Variants in DACT3 observed in about 807,000 individuals in gnomAD.
DACT3 encodes dishevelled binding antagonist of beta catenin 3.
DACT3 carries 5 observed loss-of-function variants against 19.6 expected under a neutral mutation model. The ratio of observed to expected loss-of-function variants is 0.26; its 90% CI spans 0.13 to 0.54. The LOEUF is 0.54. Among genes scored for constraint, DACT3 ranks in the 20% least tolerant of loss-of-function variants. DACT3 has a pLI of 0.95. For missense variants in DACT3, 908 were observed against 927.4 expected (o/e 0.98, Z 0.27); for synonymous variants, 454 against 428.1 (o/e 1.06, Z -0.75).
At chr19:46,652,374 G>T (rs946369812) in intron 3 of DACT3, 1 of 444,312 alleles carries the variant, frequency 2.3e-6, no homozygotes, top group Non-Finnish European at 4.0e-6. Context: ...TTGTATAGAC[G>T]GGGTTTCACT....
At chr19:46,654,983 A>G in intron 1 of DACT3, 1 of 985,376 alleles carries the variant, frequency 1.0e-6, no homozygotes, top group Non-Finnish European at 1.2e-6. Flanking sequence ...GTCATCTTTG[A>G]GCGGAACTCA....
rs2052954002 is a variant in DACT3, at chr19:46,649,300, G to C, written c.1072C>G (p.Gln358Glu). The change falls in exon 4 of 4, where the codon CAG becomes GAG. Residue 358 changes from glutamine (Q) to glutamate (E), a missense_variant. Around this residue, in one of 2 missense-constraint regions of DACT3, gnomAD observed 656 missense variants for 601.8 expected, o/e 1.09. Coordinates refer to ENST00000391916, the MANE Select transcript of DACT3 (RefSeq NM_145056.3). ...SPAEGRLVKAQYIPGAQAATR... is the reference protein window; with the variant it reads ...SPAEGRLVKAEYIPGAQAATR... ...GCCGCCTGCGCGCCCGGGATGTACT[G>C]CGCCTTCACCAAGCGGCCCTCAGCC... The C allele has an allele frequency of 6.5e-6, 8 of 1,235,140 alleles. No individual in the cohort carries two copies. The highest frequency in any genetic ancestry group is 8.1e-6 in the Non-Finnish European group (8 of 987,250). The allele number at this position is 1,235,140 out of a possible 1,614,324, so 76.5% of individuals were successfully genotyped here. A position where few individuals can be genotyped will look rare whatever the true frequency, so the allele number is the denominator to read the frequency against.
chr19:46,659,286 A>AGAGGGCT lies in DACT3; in HGVS notation c.249+1523_249+1529dup, dbSNP rs1220455519. ...CACTATCAGCTCGTGCCGGGAGGAC[A>AGAGGGCT]GAGGGCTGAGGGGGAGGAGGGGACA... On this transcript the variant is annotated intron_variant, in intron 1 of 3. Coordinates refer to ENST00000391916, the MANE Select transcript of DACT3 (RefSeq NM_145056.3). 3 of 982,682 alleles carry AGAGGGCT rather than the reference A, an allele frequency of 3.1e-6. No individual in the cohort carries two copies. The African/African-American group carries it at 5.3e-5, about 17-fold the overall frequency. 60.9% of individuals were successfully genotyped at this position (982,682 alleles called of 1,614,324 possible). A position where few individuals can be genotyped will look rare whatever the true frequency, so the allele number is the denominator to read the frequency against.
In DACT3 at chr19:46,649,909, G is replaced by T. The variant is rs1208870466; in HGVS notation, c.500-37C>A. ...AGGCCAAAAAAAAAAAAAAAAGAGAGAGTGGAGGGGCTCTCAAAGTCCTTT... is the reference window on the plus strand; with the variant it reads ...AGGCCAAAAAAAAAAAAAAAAGAGATAGTGGAGGGGCTCTCAAAGTCCTTT... On this transcript the variant is annotated intron_variant, in intron 3 of 3. Coordinates refer to ENST00000391916, the MANE Select transcript of DACT3 (RefSeq NM_145056.3). 4 of 1,329,718 alleles carry T rather than the reference G, an allele frequency of 3.0e-6. No individual in the cohort carries two copies. In the African/African-American group the frequency reaches 4.7e-5, roughly 16 times the overall value. The allele number at this position is 1,329,718 out of a possible 1,614,324, so 82.4% of individuals were successfully genotyped here. A position where few individuals can be genotyped will look rare whatever the true frequency, so the allele number is the denominator to read the frequency against.
intron 1 of DACT3, chr19:46,659,593 A>T: frequency 3.9e-6 from 1 of 258,520 alleles, no homozygotes; most frequent in Non-Finnish European, 6.0e-6. Flanking sequence ...GGGGGGTCCC[A>T]CTCCTGAGAG....
At position 46,647,642 on chromosome 19, in the gene DACT3, G is replaced by A. The variant is rs1024837493; in HGVS notation, c.*840C>T. ...TACACTGTGCATTTATTTACAAAGAGGTTAGAGAAACACACAGAATCTGGC... is the reference window on the plus strand; with the variant it reads ...TACACTGTGCATTTATTTACAAAGAAGTTAGAGAAACACACAGAATCTGGC... On this transcript the variant is annotated 3_prime_UTR_variant, in exon 4 of 4. Coordinates refer to ENST00000391916, the MANE Select transcript of DACT3 (RefSeq NM_145056.3). 2.0e-5 allele frequency: 3 copies of A among 152,522 alleles called. No individual in the cohort carries two copies. Among genetic ancestry groups the A allele is most frequent in the African/African-American group, 4.8e-5 (2 of 41,392 alleles). 9.4% of individuals were successfully genotyped at this position (152,522 alleles called of 1,614,324 possible). A position where few individuals can be genotyped will look rare whatever the true frequency, so the allele number is the denominator to read the frequency against.
Position 46,648,964 on chromosome 19 carries a change from C to A in DACT3, c.1408G>T (p.Ala470Ser), listed in dbSNP as rs1167673360. The stretch of plus-strand genomic sequence containing the variant: ...GAGCGCCAGCGACGGCAGGACCCTG[C>A]GGCCTGGGCCGCCAGCGTGGGCGCT... ...GPAPTLAAQA[A>S]GSCRRWRSTA... Residue 470 changes from alanine to serine, a missense_variant, in exon 4 of 4, where the codon GCA (alanine) becomes TCA (serine). Ala to Ser is a moderately conservative substitution (Grantham distance 99). This residue lies in a region of DACT3 where 656 missense variants were observed against 601.8 expected (regional missense o/e 1.09). Coordinates refer to ENST00000391916, the MANE Select transcript of DACT3 (RefSeq NM_145056.3). This position sits in a 1 kb window ranked among gnomAD's most constrained non-coding sequence, Gnocchi z 5.1. 8.5e-6 allele frequency: 11 copies of A among 1,296,092 alleles called. No individual in the cohort carries two copies. The highest frequency in any genetic ancestry group is 9.8e-6 in the Non-Finnish European group (10 of 1,025,216). The allele number at this position is 1,296,092 out of a possible 1,614,324, so 80.3% of individuals were successfully genotyped here.
chr19:46,659,363 T>C (rs1248311226), intron 1 of DACT3: 6 of 954,416 alleles, frequency 6.3e-6, no homozygotes, highest in Non-Finnish European at 7.5e-6. Flanking sequence ...AGGTGAAGGG[T>C]GAAAAGGGGA....
intron 1 of DACT3, among the ~76,000 whole-genome samples, chr19:46,657,744 T>C (rs1401683927): frequency 6.6e-6 from 1 of 151,994 alleles, no homozygotes; most frequent in African/African-American, 2.4e-5. Flanking sequence ...AATGTTTCCA[T>C]TGTTTAATTA....
chr19:46,654,863 C>T, intron 1 of DACT3: 1 of 985,216 alleles, frequency 1.0e-6, no homozygotes, highest in Non-Finnish European at 1.2e-6. Flanking sequence ...CCAGCCTCTC[C>T]CATCCCCCTA....
chr19:46,651,765 T>C (rs929741403), intron 3 of DACT3: 4 of 151,828 alleles, frequency 2.6e-5, no homozygotes, highest in African/African-American at 9.7e-5. Flanking sequence ...AGTGACACCA[T>C]CTCAGCTCAC....
intron 2 of DACT3, 76 bp from the exon 3 acceptor site, chr19:46,652,888 G>A: frequency 6.5e-7 from 1 of 1,540,382 alleles, no homozygotes; most frequent in Non-Finnish European, 8.8e-7. Flanking sequence ...GGAGGAGATG[G>A]CGTGGGGAGA....
chr19:46,649,757 C>T lies in DACT3; in HGVS notation c.615G>A (p.Ser205=). The T allele has an allele frequency of 7.7e-7, 1 of 1,293,246 alleles. No homozygotes were observed. Among genetic ancestry groups the T allele is most frequent in the South Asian group, 2.2e-5 (1 of 45,082 alleles). The allele number at this position is 1,293,246 out of a possible 1,614,324, so 80.1% of individuals were successfully genotyped here. The change falls in exon 4 of 4, where the codon TCG becomes TCA. Residue 205 remains serine (S), a synonymous_variant. Transcript: ENST00000391916. ...GGSAGPEACS[S]AERRARAGPF... is the part of the protein sequence containing the mutation. ...GCCCGGCGCGGGCCCGCCGCTCCGCCGAGGAGCAGGCCTCCGGGCCGGCGG... is the reference window on the plus strand; with the variant it reads ...GCCCGGCGCGGGCCCGCCGCTCCGCTGAGGAGCAGGCCTCCGGGCCGGCGG...
Position 46,648,862 on chromosome 19 carries a change from G to C in DACT3, c.1510C>G (p.Pro504Ala). Residue 504 changes from proline (P) to alanine (A), a missense_variant, in exon 4 of 4, where the codon CCG becomes GCG. By Grantham distance (27) the Pro-to-Ala change is conservative (BLOSUM62 -1). This residue lies in a region of DACT3 where 656 missense variants were observed against 601.8 expected (regional missense o/e 1.09). Coordinates refer to ENST00000391916, the MANE Select transcript of DACT3 (RefSeq NM_145056.3). This position sits in a 1 kb window ranked among gnomAD's most constrained non-coding sequence, Gnocchi z 5.1. ...APAARVPGPG[P>A]SPSAPQRRLL... ...CGACGCTGGGGAGCTGACGGGGACG[G>C]GCCGGGGCCGGGAACACGCGCCGCA... is the stretch of plus-strand genomic sequence containing the variant. 1 of 1,427,202 alleles carries C rather than the reference G, an allele frequency of 7.0e-7. No individual in the cohort carries two copies. The highest frequency in any genetic ancestry group is 9.1e-7 in the Non-Finnish European group (1 of 1,101,952). The allele number at this position is 1,427,202 out of a possible 1,614,324, so 88.4% of individuals were successfully genotyped here. A position where few individuals can be genotyped will look rare whatever the true frequency, so the allele number is the denominator to read the frequency against.
At position 46,660,789 on chromosome 19, in the gene DACT3, G is replaced by A; in HGVS notation, c.249+27C>T. 6.8e-7 allele frequency: 1 copy of A among 1,463,944 alleles called. No homozygotes were observed. The highest frequency in any genetic ancestry group is 1.4e-5 in the South Asian group (1 of 73,694). 90.7% of individuals were successfully genotyped at this position (1,463,944 alleles called of 1,614,324 possible). ...ACAGACAGACACAGACGGGGGTGGAGGGACGGACGGACAGGCAGCCCCTTA... is the reference window on the plus strand; with the variant it reads ...ACAGACAGACACAGACGGGGGTGGAAGGACGGACGGACAGGCAGCCCCTTA... On this transcript the variant is annotated intron_variant, in intron 1 of 3. Transcript: ENST00000391916. This position sits in a 1 kb window ranked among gnomAD's most constrained non-coding sequence, Gnocchi z 4.9.
At chr19:46,659,319 C>G (rs1380028773) in intron 1 of DACT3, 1 of 954,722 alleles carries the variant, frequency 1.0e-6, no homozygotes, top group Non-Finnish European at 1.2e-6. Flanking sequence ...ACAGAGGGAC[C>G]GAGGAGAGGG....
rs374888070 is a variant in DACT3 at position 46,653,089 on chromosome 19, G to A, written c.250-14C>T. ...AGGCAGGGCCTCCTGAAGGCATAGG[G>A]AGAGAAGGATGGTCAGAAGGCCCCC... On this transcript the variant is annotated splice_polypyrimidine_tract_variant and intron_variant, in intron 1 of 3. Coordinates refer to ENST00000391916, the MANE Select transcript of DACT3 (RefSeq NM_145056.3). 13 of 1,550,692 alleles carry A rather than the reference G, an allele frequency of 8.4e-6. No individual in the cohort carries two copies. The highest frequency in any genetic ancestry group is 5.5e-5 in the African/African-American group (4 of 73,154).
Position 46,648,266 on chromosome 19 carries a change from T to A in DACT3, c.*216A>T, listed in dbSNP as rs1352001491. 8.2e-6 allele frequency: 6 copies of A among 730,306 alleles called. No individual in the cohort carries two copies. Among genetic ancestry groups the A allele is most frequent in the Non-Finnish European group, 1.3e-5 (6 of 454,766 alleles). The allele number at this position is 730,306 out of a possible 1,614,324, so 45.2% of individuals were successfully genotyped here. A position where few individuals can be genotyped will look rare whatever the true frequency, so the allele number is the denominator to read the frequency against. ...CTGTCTTGCCCAAGGGCTTCCAAGC[T>A]AGAAGCTGAACTGGGTCAAACAGGG... On this transcript the variant is annotated 3_prime_UTR_variant, in exon 4 of 4. Coordinates refer to ENST00000391916, the MANE Select transcript of DACT3 (RefSeq NM_145056.3). This position sits in a 1 kb window ranked among gnomAD's most constrained non-coding sequence, Gnocchi z 5.1.
At position 46,654,261 on chromosome 19, in the gene DACT3, C is replaced by T. The variant is rs113769472; in HGVS notation, c.250-1186G>A. The T allele has an allele frequency of 3.4e-3, 3,170 of 944,724 alleles. 8 individuals carry two copies. The highest frequency in any genetic ancestry group is 3.7e-3 in the Non-Finnish European group (2,946 of 793,202). The allele number at this position is 944,724 out of a possible 1,614,324, so 58.5% of individuals were successfully genotyped here. On this transcript the variant is annotated intron_variant, in intron 1 of 3. Transcript: ENST00000391916. ...CAGCATTTTGGGAGGCCGAGGCGGG[C>T]GGATCACATGAGGTCAGGAGTTGGA...
Sources: allele counts gnomAD v4.1 joint callset (sites outside exome capture counted in the v4.1 genomes callset), GRCh38; gene constraint gnomAD v4.1.1; regional missense constraint gnomAD v4.1.1; non-coding constraint Gnocchi (gnomAD v3.1); transcripts MANE v1.5; gene names NCBI Gene and HGNC (gene_info 2026-07-23, HGNC 2026-07-21).